The following SLC5A4 variants were observed in gnomAD, a reference collection of about 807,000 sequenced individuals.
The protein encoded by SLC5A4 is solute carrier family 5 member 4, also known as probable glucose sensor protein SLC5A4.
A neutral mutation model predicts 70.3 loss-of-function variants in SLC5A4; 55 were observed. The observed-to-expected ratio is 0.78, with a 90% CI of 0.63 to 0.98. The LOEUF (loss-of-function observed/expected upper bound fraction) is 0.98. Among genes scored for constraint, SLC5A4 ranks in the 50% least tolerant of loss-of-function variants. The pLI is 0.00. For missense variants in SLC5A4, 735 were observed against 839.2 expected, an observed-to-expected ratio of 0.88 and a Z score of 1.53; for synonymous variants, 268 against 305.7, an observed-to-expected ratio of 0.88 and a Z score of 1.29.
intron 5 of SLC5A4, 48 bp downstream of exon 5, chr22:32,247,363 A>T (rs1336986332): frequency 5.1e-6 from 6 of 1,181,922 alleles, no homozygotes; most frequent in Non-Finnish European, 7.6e-6. Context: ...CTCTGGCCCC[A>T]TCTGACCAAC....
the SLC5A4 span, among the ~76,000 whole-genome samples, chr22:32,342,614 A>T: frequency 3.3e-5 from 5 of 152,332 alleles, no homozygotes; most frequent in East Asian, 9.6e-4. Flanking sequence ...TTTAAGCAAT[A>T]CTTAGAAGTA....
At chr22:32,325,124 G>A in the SLC5A4 span, among the ~76,000 whole-genome samples, 1 of 152,236 alleles carries the variant, frequency 6.6e-6, no homozygotes, top group Admixed American at 6.5e-5. Context: ...AGGCCCACCA[G>A]TGCTCCCCTC....
At chr22:32,278,353 ATTGT>A in the SLC5A4 span, among the ~76,000 whole-genome samples, 1 of 152,172 alleles carries the variant, frequency 6.6e-6, no homozygotes, top group Non-Finnish European at 1.5e-5. Context: ...TTTTCTATTC[ATTGT>A]TTGTTATAAT....
the SLC5A4 span, among the ~76,000 whole-genome samples, chr22:32,322,050 A>G: frequency 6.6e-6 from 1 of 152,096 alleles, no homozygotes; most frequent in Non-Finnish European, 1.5e-5. Context: ...GGAGGGTGGG[A>G]GAATGGGCAG....
the SLC5A4 span, among the ~76,000 whole-genome samples, chr22:32,340,672 G>A: frequency 6.6e-6 from 1 of 152,188 alleles, no homozygotes; most frequent in Non-Finnish European, 1.5e-5. Flanking sequence ...CTGGTATCCC[G>A]GAGGGGAGAG....
chr22:32,261,548 G>A, the SLC5A4 span, among the ~76,000 whole-genome samples: 1 of 152,162 alleles, frequency 6.6e-6, no homozygotes, highest in South Asian at 2.1e-4. Context: ...CCTTACCAGG[G>A]GCAGGGTCAG....
chr22:32,285,615 C>G, the SLC5A4 span, among the ~76,000 whole-genome samples: 1 of 151,280 alleles, frequency 6.6e-6, no homozygotes, highest in African/African-American at 2.4e-5. Flanking sequence ...GGAACCTGTC[C>G]CTTTGTTGAG....
chr22:32,256,794 C>T (rs1036722907), upstream of SLC5A4, among the ~76,000 whole-genome samples: 41 of 152,006 alleles, frequency 2.7e-4, no homozygotes, highest in African/African-American at 9.7e-4. Flanking sequence ...TCATATATAC[C>T]ACATTTTGTT....
At chr22:32,227,881 C>T (rs750280714) in intron 11 of SLC5A4, among the ~76,000 whole-genome samples, 26 of 150,650 alleles carry the variant, frequency 1.7e-4, no homozygotes, top group Non-Finnish European at 3.1e-4. Context: ...GCAGGAGAAT[C>T]GCTTGAACTC....
the SLC5A4 span, among the ~76,000 whole-genome samples, chr22:32,280,061 G>A: frequency 1.3e-5 from 2 of 152,212 alleles, no homozygotes; most frequent in African/African-American, 4.8e-5. Context: ...TGTTGCCCAG[G>A]CTGGAGTGCA....
chr22:32,352,828 G>A, the SLC5A4 span, among the ~76,000 whole-genome samples: 10 of 152,198 alleles, frequency 6.6e-5, no homozygotes, highest in African/African-American at 1.4e-4. Context: ...GCAGCCAGCC[G>A]CCATCCTACC....
chr22:32,321,463 C>G, the SLC5A4 span, among the ~76,000 whole-genome samples: 2 of 152,162 alleles, frequency 1.3e-5, no homozygotes, highest in South Asian at 4.1e-4. Context: ...AAAACGAACA[C>G]AAATCTTTTA....
Position 32,233,045 on chromosome 22 carries a change from A to G in SLC5A4, c.886-11T>C. On this transcript the variant is annotated splice_polypyrimidine_tract_variant and intron_variant, in intron 8 of 14. Coordinates refer to ENST00000266086, the MANE Select transcript of SLC5A4 (RefSeq NM_014227.3). ...GCGCTGCACAATGACCTGCCGGGAG[A>G]ACGTGACACACTCATGAAACAAGCC... 1 of 1,610,514 alleles carries G rather than the reference A, an allele frequency of 6.2e-7. No homozygotes were observed. Among genetic ancestry groups the G allele is most frequent in the Non-Finnish European group, 8.5e-7 (1 of 1,178,232 alleles).
the SLC5A4 span, among the ~76,000 whole-genome samples, chr22:32,288,234 A>G: frequency 6.6e-6 from 1 of 152,208 alleles, no homozygotes; most frequent in Non-Finnish European, 1.5e-5. Flanking sequence ...TATGTTCTAC[A>G]TATGGGAAAA....
chr22:32,315,790 T>G, the SLC5A4 span, among the ~76,000 whole-genome samples: 1 of 108,804 alleles, frequency 9.2e-6, no homozygotes, highest in Non-Finnish European at 1.8e-5. Context: ...CATACACACT[T>G]GCTTAAAAAA....
chr22:32,269,591 A>G, the SLC5A4 span: 2 of 623,420 alleles, frequency 3.2e-6, no homozygotes, highest in Non-Finnish European at 6.2e-6. This position sits in a 1 kb window ranked among gnomAD's most constrained non-coding sequence, Gnocchi z 4.1. Context: ...CTCACCAGCT[A>G]CCCTTTGACT....
At chr22:32,271,069 TCCCAGCAA>T in the SLC5A4 span, 14 of 584,868 alleles carry the variant, frequency 2.4e-5, no homozygotes, top group South Asian at 2.4e-4. Context: ...CCCTCTTCAG[TCCCAGCAA>T]GGAGGTGGCC....
At chr22:32,309,809 G>A in the SLC5A4 span, among the ~76,000 whole-genome samples, 1 of 151,950 alleles carries the variant, frequency 6.6e-6, no homozygotes, top group Non-Finnish European at 1.5e-5. Context: ...GAGGTTAAGT[G>A]GCTTGTGGGG....
At chr22:32,226,736 A>G (rs1274114015) in intron 11 of SLC5A4, among the ~76,000 whole-genome samples, 3 of 152,110 alleles carry the variant, frequency 2.0e-5, no homozygotes, top group Admixed American at 6.6e-5. Flanking sequence ...ATTCAGTTCC[A>G]GTTTCCTATC....
Sources: gnomAD v4.1 joint callset for allele counts (sites outside exome capture counted in the v4.1 genomes callset) on GRCh38, gnomAD v4.1.1 for gene constraint, Gnocchi (gnomAD v3.1) non-coding constraint, MANE v1.5 for transcripts, NCBI Gene and HGNC (gene_info 2026-07-23, HGNC 2026-07-21) for gene names.